HCRTR2: variants seen among roughly 807,000 people sequenced by gnomAD.
HCRTR2 encodes orexin receptor type 2.
Under a neutral mutation model 49.0 loss-of-function variants are expected in HCRTR2, and 22 were observed. The observed-to-expected ratio is 0.45, with a 90% CI of 0.32 to 0.64. HCRTR2 has a LOEUF of 0.64. HCRTR2 is among the 30% of genes least tolerant of loss of function. HCRTR2 has a pLI of 0.04. For synonymous variants in HCRTR2, 236 were observed against 205.3 expected (o/e 1.15, Z -1.28); for missense variants, 491 against 559.4 (o/e 0.88, Z 1.23).
chr6:55,158,756 T>C (rs1349494864), intron 1 of HCRTR2, among the ~76,000 whole-genome samples: 6 of 152,202 alleles, frequency 3.9e-5, no homozygotes, highest in Admixed American at 2.6e-4. Flanking sequence ...CCTCTCTAGA[T>C]TCCTCCTGTC....
chr6:55,124,202 G>A (rs1008295658), intron 1 of HCRTR2, among the ~76,000 whole-genome samples: 1 of 151,694 alleles, frequency 6.6e-6, no homozygotes, highest in Non-Finnish European at 1.5e-5. Context: ...TTTAATTTTG[G>A]TGTCAGAGTG....
chr6:55,132,178 A>C (rs1367463086), intron 1 of HCRTR2, among the ~76,000 whole-genome samples: 2 of 151,894 alleles, frequency 1.3e-5, no homozygotes, highest in African/African-American at 2.4e-5. Flanking sequence ...AAAGTCTATT[A>C]AACACATACA....
chr6:55,206,132 A>G (rs893365581), intron 1 of HCRTR2, among the ~76,000 whole-genome samples: 1 of 152,200 alleles, frequency 6.6e-6, no homozygotes, highest in Non-Finnish European at 1.5e-5. Context: ...TAATAAGACC[A>G]ATAAATAACC....
intron 1 of HCRTR2, among the ~76,000 whole-genome samples, chr6:55,143,005 TAGAC>T (rs66918440): frequency 0.28 from 42,310 of 149,476 alleles, 6,663 homozygotes; most frequent in Non-Finnish European, 0.36. Flanking sequence ...GATAGATAGA[TAGAC>T]AGACAGACAG....
intron 4 of HCRTR2, among the ~76,000 whole-genome samples, chr6:55,268,585 A>T (rs553153711): frequency 6.6e-6 from 1 of 152,246 alleles, no homozygotes; most frequent in African/African-American, 2.4e-5. Context: ...ATTAGACAAA[A>T]TAAATTTTAA....
intron 1 of HCRTR2, among the ~76,000 whole-genome samples, chr6:55,246,972 G>T (rs1766456948): frequency 6.6e-6 from 1 of 152,042 alleles, no homozygotes. Context: ...AGAGTTAAAA[G>T]ATTAGAAATA....
chr6:55,130,317 C>T (rs187155577), intron 1 of HCRTR2, among the ~76,000 whole-genome samples: 13 of 151,812 alleles, frequency 8.6e-5, no homozygotes, highest in Admixed American at 1.3e-4. Flanking sequence ...ATTCCCCATG[C>T]GATGAATGTT....
In HCRTR2 at chr6:55,150,845, C is replaced by G. The variant is rs74750751; in HGVS notation, c.-377-23366C>G. On this transcript the variant is annotated intron_variant, in intron 1 of 7. Coordinates refer to the HCRTR2 transcript ENST00000615358. ...AATTCTGATTTCAATTCCTTTGTCCCTGTACACTTTCCTTAGAGGATACTG... is the reference window on the plus strand; with the variant it reads ...AATTCTGATTTCAATTCCTTTGTCCGTGTACACTTTCCTTAGAGGATACTG... Among the ~76,000 whole-genome samples the G allele has an allele frequency of 3.1e-3, 466 of 151,974 alleles. 3 individuals carry two copies. The highest frequency in any genetic ancestry group is 5.1e-3 in the Non-Finnish European group (346 of 67,874).
intron 1 of HCRTR2, among the ~76,000 whole-genome samples, chr6:55,177,844 T>TG (rs1765067324): frequency 1.3e-5 from 2 of 152,246 alleles, no homozygotes; most frequent in Admixed American, 1.3e-4. Context: ...AGCAGTTTCC[T>TG]GGGGGAGTAA....
At chr6:55,257,123 T>A (rs1389641054) in intron 3 of HCRTR2, among the ~76,000 whole-genome samples, 2 of 151,978 alleles carry the variant, frequency 1.3e-5, no homozygotes, top group African/African-American at 2.4e-5. Flanking sequence ...AAAGAGTGAA[T>A]CAGCACTTGT....
In HCRTR2 at chr6:55,232,293, C is replaced by G. The variant is rs533731080; in HGVS notation, c.224-16346C>G. On this transcript the variant is annotated intron_variant, in intron 1 of 6. Transcript: ENST00000370862. ...TATATATTCACTTATTAAAATGCACCACACAATTCCTAATTTATTGAGAGT... is the reference window on the plus strand; with the variant it reads ...TATATATTCACTTATTAAAATGCACGACACAATTCCTAATTTATTGAGAGT... Among the ~76,000 whole-genome samples the G allele has an allele frequency of 3.3e-5, 5 of 152,192 alleles. No homozygotes were observed. In the South Asian group the frequency reaches 1.0e-3, roughly 32 times the overall value.
At position 55,238,621 on chromosome 6, in the gene HCRTR2, T is replaced by C. The variant is rs1487422685; in HGVS notation, c.224-10018T>C. On this transcript the variant is annotated intron_variant, in intron 1 of 6. Coordinates refer to ENST00000370862, the MANE Select transcript of HCRTR2 (RefSeq NM_001384272.1). ...TCATACTTTGAGTTTAATTGAAAGA[T>C]AGAACATCTATAAGATGAAAACAGT... Among the ~76,000 whole-genome samples, 3 of 152,200 alleles carry C rather than the reference T, an allele frequency of 2.0e-5. No individual in the cohort carries two copies. The East Asian group carries it at 5.8e-4, about 29-fold the overall frequency.
chr6:55,120,083 A>G (rs191418295), intron 1 of HCRTR2, among the ~76,000 whole-genome samples: 2 of 152,090 alleles, frequency 1.3e-5, no homozygotes, highest in East Asian at 3.9e-4. Flanking sequence ...ATGGTTGTAG[A>G]TGTGTGGTGT....
intron 3 of HCRTR2, among the ~76,000 whole-genome samples, chr6:55,261,060 T>C (rs531122786): frequency 6.6e-6 from 1 of 152,336 alleles, no homozygotes; most frequent in Non-Finnish European, 1.5e-5. Flanking sequence ...AACAGCTCTG[T>C]TGTGTTAGCA....
chr6:55,263,604 A>T (rs1766808247), intron 3 of HCRTR2, 103 bp from the exon 4 acceptor site: 1 of 704,362 alleles, frequency 1.4e-6, no homozygotes, highest in Admixed American at 2.1e-5. Flanking sequence ...ATGAAATCAT[A>T]TAAAAGGTAA....
Position 55,241,861 on chromosome 6 carries a change from A to ATTTTTTTTTTTTTTTTTTTTTTTTTTT in HCRTR2, c.224-6755_224-6754insTTTTTTTTTTTTTTTTTTTTTTTTTTT, listed in dbSNP as rs917427627. ...GTAGTCTGTCTTACTATGGCAACTAATTTTTTTTTTTTTTTTTTTTTTTGT... is the reference window on the plus strand; with the variant it reads ...GTAGTCTGTCTTACTATGGCAACTAATTTTTTTTTTTTTTTTTTTTTTTTTTTTTTTTTTTTTTTTTTTTTTTTTTGT... On this transcript the variant is annotated intron_variant, in intron 1 of 6. Coordinates refer to ENST00000370862, the MANE Select transcript of HCRTR2 (RefSeq NM_001384272.1). Among the ~76,000 whole-genome samples the ATTTTTTTTTTTTTTTTTTTTTTTTTTT allele has an allele frequency of 5.2e-4, 48 of 92,518 alleles. 6 individuals carry two copies. The highest frequency in any genetic ancestry group is 5.8e-4 in the Non-Finnish European group (27 of 46,516). The allele number at this position is 92,518 out of a possible 152,430, so 60.7% of individuals were successfully genotyped here.
At chr6:55,237,776 C>T (rs193175363) in intron 1 of HCRTR2, among the ~76,000 whole-genome samples, 2 of 152,234 alleles carry the variant, frequency 1.3e-5, no homozygotes, top group African/African-American at 4.8e-5. Flanking sequence ...TCTGCCGTTA[C>T]CAGAAATAGA....
At chr6:55,241,425 T>G (rs1440312633) in intron 1 of HCRTR2, among the ~76,000 whole-genome samples, 1 of 152,126 alleles carries the variant, frequency 6.6e-6, no homozygotes, top group Non-Finnish European at 1.5e-5. Context: ...TGTGGCAAAG[T>G]GTGGAACTAC....
chr6:55,216,934 A>G (rs1312497601), intron 1 of HCRTR2, among the ~76,000 whole-genome samples: 1 of 152,184 alleles, frequency 6.6e-6, no homozygotes, highest in Non-Finnish European at 1.5e-5. Flanking sequence ...GGTGAAGGCC[A>G]TAGTGGCCCT....
Sources: allele counts gnomAD v4.1 joint callset (sites outside exome capture counted in the v4.1 genomes callset), GRCh38; gene constraint gnomAD v4.1.1; transcripts MANE v1.5; gene names NCBI Gene and HGNC (gene_info 2026-07-23, HGNC 2026-07-21).